TNRC6B: variants seen among roughly 807,000 people sequenced by gnomAD.
TNRC6B encodes trinucleotide repeat-containing gene 6B protein.
A neutral mutation model predicts 203.6 loss-of-function variants in TNRC6B; 52 were observed. That is an observed-to-expected ratio of 0.26 (90% CI 0.20 to 0.32). The LOEUF (loss-of-function observed/expected upper bound fraction) is 0.32, where lower values mean the gene tolerates loss of function less well. Ranked by LOEUF, TNRC6B falls within the 10% of genes least tolerant of loss-of-function variation. The probability of loss-of-function intolerance (pLI) is 1.00; values close to 1 mark genes in which losing one functional copy is unlikely to be tolerated. For synonymous variants in TNRC6B, 838 were observed against 845.7 expected, an observed-to-expected ratio of 0.99 and a Z score of 0.16; for missense variants, 1,923 against 2,286.2, an observed-to-expected ratio of 0.84 and a Z score of 3.24.
intron 3 of TNRC6B, among the ~76,000 whole-genome samples, chr22:40,128,507 C>G (rs1407358992): frequency 2.6e-5 from 4 of 151,904 alleles, no homozygotes; most frequent in Non-Finnish European, 5.9e-5. Flanking sequence ...CTGGATCTTT[C>G]TCTGTCACCA....
At chr22:40,225,848 T>C (rs1338999307) in intron 1 of TNRC6B, among the ~76,000 whole-genome samples, 1 of 151,822 alleles carries the variant, frequency 6.6e-6, no homozygotes, top group East Asian at 2.0e-4. Context: ...CACAGAACAT[T>C]TCCCCTGGGT....
At chr22:40,275,335 G>A (rs1429800252) in intron 7 of TNRC6B, among the ~76,000 whole-genome samples, 1 of 152,116 alleles carries the variant, frequency 6.6e-6, no homozygotes, top group Non-Finnish European at 1.5e-5. Context: ...GATTGAAAGG[G>A]ACTAATAAAT....
chr22:40,237,821 A>T (rs2069968768), intron 1 of TNRC6B, among the ~76,000 whole-genome samples: 1 of 134,576 alleles, frequency 7.4e-6, no homozygotes, highest in Non-Finnish European at 1.7e-5. Context: ...CTTCCCTCTT[A>T]GACACTCTGG....
chr22:40,307,229 A>G (rs370763903), intron 15 of TNRC6B, among the ~76,000 whole-genome samples: 4 of 152,290 alleles, frequency 2.6e-5, no homozygotes, highest in East Asian at 1.9e-4. Context: ...AGGGGAGGAA[A>G]AACACAACCT....
intron 3 of TNRC6B, among the ~76,000 whole-genome samples, chr22:40,251,987 G>A (rs1411137879): frequency 6.6e-6 from 1 of 152,164 alleles, no homozygotes; most frequent in East Asian, 1.9e-4. Context: ...CTAAAAAATA[G>A]TGACATGTTG....
Position 40,273,428 on chromosome 22 carries a change from C to G in TNRC6B, c.2969C>G (p.Ser990Cys). ...ANAPNAMKPN[S>C]KSMQDGWGES... is the part of the protein sequence containing the mutation. Reference sequence around the variant, plus strand: ...TTAATTCATTCTTTCCTTAAAGATTCCAAATCTATGCAAGACGGCTGGGGG... The same window carrying G: ...TTAATTCATTCTTTCCTTAAAGATTGCAAATCTATGCAAGACGGCTGGGGG... The change falls in exon 7 of 23, where the codon TCC becomes TGC. Residue 990 changes from serine (S) to cysteine (C), a missense_variant. Ser to Cys is a moderately radical substitution (Grantham distance 112). This residue lies in a region of TNRC6B where 599 missense variants were observed against 656.5 expected (regional missense o/e 0.91). Coordinates refer to ENST00000454349, the MANE Select transcript of TNRC6B (RefSeq NM_001162501.2). The G allele has an allele frequency of 6.2e-7, 1 of 1,600,816 alleles. No individual in the cohort carries two copies. Among genetic ancestry groups the G allele is most frequent in the East Asian group, 2.2e-5 (1 of 44,640 alleles).
At chr22:40,295,490 A>T (rs1445234268) in intron 12 of TNRC6B, among the ~76,000 whole-genome samples, 1 of 151,612 alleles carries the variant, frequency 6.6e-6, no homozygotes, top group African/African-American at 2.4e-5. Context: ...AAAAAAAAAA[A>T]AGAAAGAAAG....
chr22:40,074,875 T>C (rs1472080656), intron 1 of TNRC6B, among the ~76,000 whole-genome samples: 1 of 151,906 alleles, frequency 6.6e-6, no homozygotes, highest in African/African-American at 2.4e-5. Flanking sequence ...GGAGGATTGC[T>C]TGAGCCTGGA....
At chr22:40,108,326 A>G (rs2068304512) in intron 1 of TNRC6B, among the ~76,000 whole-genome samples, 1 of 152,188 alleles carries the variant, frequency 6.6e-6, no homozygotes, top group African/African-American at 2.4e-5. Context: ...TGCCCTGGCC[A>G]TCTCTGTCTC....
intron 1 of TNRC6B, among the ~76,000 whole-genome samples, chr22:40,062,984 A>G (rs527472609): frequency 1.3e-4 from 19 of 151,606 alleles, no homozygotes; most frequent in Admixed American, 3.9e-4. Flanking sequence ...TGGCATATCT[A>G]TGTAGACTTT....
rs879083760 is a variant in TNRC6B, at chr22:40,273,287, T to C, written c.2966-138T>C. On this transcript the variant is annotated intron_variant, in intron 6 of 22. Coordinates refer to ENST00000454349, the MANE Select transcript of TNRC6B (RefSeq NM_001162501.2). The stretch of plus-strand genomic sequence containing the variant: ...AGTTTCCTGCTCTCTAAAAAATGAG[T>C]AATAATATTTGTCTTGCCATGGAGA... The C allele has an allele frequency of 3.9e-6, 3 of 760,840 alleles. No homozygotes were observed. The Admixed American group carries it at 1.0e-4, about 26-fold the overall frequency. The allele number at this position is 760,840 out of a possible 1,614,324, so 47.1% of individuals were successfully genotyped here. A position where few individuals can be genotyped will look rare whatever the true frequency, so the allele number is the denominator to read the frequency against.
intron 2 of TNRC6B, among the ~76,000 whole-genome samples, chr22:40,122,637 G>A (rs1005133977): frequency 1.3e-5 from 2 of 152,126 alleles, no homozygotes; most frequent in Non-Finnish European, 2.9e-5. Context: ...TTGTGTGCAG[G>A]TGGAGAGGAG....
Position 40,263,842 on chromosome 22 carries a change from A to T in TNRC6B, c.458-846A>T, listed in dbSNP as rs755844366. Among the ~76,000 whole-genome samples, 18 of 152,312 alleles carry T rather than the reference A, an allele frequency of 1.2e-4. No homozygotes were observed. The South Asian group carries it at 1.2e-3, about 11-fold the overall frequency. On this transcript the variant is annotated intron_variant, in intron 4 of 22. Transcript: ENST00000454349. ...TCAGTGGGTATTCATCATTCAGCAG[A>T]TGCTTACTCCGCAGCATTGTGCTGG...
intron 4 of TNRC6B, 56 bp from the exon 5 acceptor site, chr22:40,264,632 T>G: frequency 6.6e-7 from 1 of 1,517,012 alleles, no homozygotes; most frequent in Non-Finnish European, 8.8e-7. Context: ...CTTTGAGGGA[T>G]TAATGGGTAA....
intron 1 of TNRC6B, among the ~76,000 whole-genome samples, chr22:40,112,764 T>A (rs541430293): frequency 7.9e-5 from 12 of 152,310 alleles, no homozygotes; most frequent in African/African-American, 2.6e-4. Flanking sequence ...CAAGTTGTGA[T>A]GATTAATAAG....
chr22:40,134,048 T>A (rs7284587), intron 3 of TNRC6B, among the ~76,000 whole-genome samples: 52,434 of 150,034 alleles, frequency 0.35, 11,931 homozygotes, highest in African/African-American at 0.65. Flanking sequence ...GTTTCAGATA[T>A]CTTGATGTCT....
At chr22:40,297,630 T>C (rs970723009) in intron 12 of TNRC6B, among the ~76,000 whole-genome samples, 5 of 152,098 alleles carry the variant, frequency 3.3e-5, no homozygotes, top group African/African-American at 1.2e-4. Flanking sequence ...GAGATCAGCC[T>C]GGCCAATATG....
chr22:40,312,471 C>A, intron 17 of TNRC6B, 34 bp from the exon 18 acceptor site: 1 of 1,579,716 alleles, frequency 6.3e-7, no homozygotes, highest in Non-Finnish European at 8.6e-7. Context: ...TTTTAACGAC[C>A]TTCCTTCTCT....
At chr22:40,059,440 GTTCTAATTCATACCT>G (rs777235357) in intron 1 of TNRC6B, among the ~76,000 whole-genome samples, 1 of 152,166 alleles carries the variant, frequency 6.6e-6, no homozygotes, top group Non-Finnish European at 1.5e-5. Context: ...CAGTCTTTGA[GTTCTAATTCATACCT>G]TAATGTCCTG....
Sources: allele counts gnomAD v4.1 joint callset (sites outside exome capture counted in the v4.1 genomes callset), GRCh38; gene constraint gnomAD v4.1.1; regional missense constraint gnomAD v4.1.1; transcripts MANE v1.5; gene names NCBI Gene and HGNC (gene_info 2026-07-23, HGNC 2026-07-21).